TNRC6B: variants seen among roughly 807,000 people sequenced by gnomAD.
TNRC6B encodes the protein trinucleotide repeat-containing gene 6B protein.
TNRC6B carries 52 observed loss-of-function variants against 203.6 expected under a neutral mutation model. The observed-to-expected ratio is 0.26, with a 90% CI of 0.20 to 0.32. The LOEUF is 0.32. TNRC6B is among the 10% of genes least tolerant of loss of function. The pLI is 1.00. For synonymous variants in TNRC6B, 838 were observed against 845.7 expected (o/e 0.99, Z 0.16); for missense variants, 1,923 against 2,286.2 (o/e 0.84, Z 3.24).
chr22:40,106,970 C>T (rs2068289603), intron 1 of TNRC6B: 23 of 1,184,236 alleles, frequency 1.9e-5, no homozygotes, highest in South Asian at 3.6e-5. Context: ...CTTTCTCAGG[C>T]GCTTGATCTT....
intron 1 of TNRC6B, among the ~76,000 whole-genome samples, chr22:40,058,078 G>A (rs963526197): frequency 1.1e-4 from 17 of 152,102 alleles, no homozygotes; most frequent in Non-Finnish European, 7.3e-5. Flanking sequence ...TGGCTCAATT[G>A]CCTTAAACAA....
intron 3 of TNRC6B, among the ~76,000 whole-genome samples, chr22:40,155,169 A>G (rs2068808587): frequency 6.6e-6 from 1 of 151,874 alleles, no homozygotes; most frequent in African/African-American, 2.4e-5. Flanking sequence ...AAATAATTCC[A>G]CTATAAATAC....
chr22:40,061,634 T>A (rs2067853963), intron 1 of TNRC6B, among the ~76,000 whole-genome samples: 1 of 150,784 alleles, frequency 6.6e-6, no homozygotes, highest in Non-Finnish European at 1.5e-5. Flanking sequence ...TCTGCCTTCC[T>A]TTTCCCTATT....
chr22:40,099,974 A>C (rs933254426), intron 1 of TNRC6B, among the ~76,000 whole-genome samples: 1 of 152,080 alleles, frequency 6.6e-6, no homozygotes, highest in Non-Finnish European at 1.5e-5. Context: ...GATGGTCTCG[A>C]TCTCCTGACC....
At chr22:40,187,152 G>A (rs1473027809) in intron 1 of TNRC6B, among the ~76,000 whole-genome samples, 1 of 152,132 alleles carries the variant, frequency 6.6e-6, no homozygotes, top group Non-Finnish European at 1.5e-5. Flanking sequence ...AGCCACGTGC[G>A]GCTACTCTGT....
At chr22:40,090,197 A>G (rs2068138757) in intron 1 of TNRC6B, among the ~76,000 whole-genome samples, 2 of 152,236 alleles carry the variant, frequency 1.3e-5, no homozygotes, top group Non-Finnish European at 2.9e-5. Context: ...CCAAATGTCA[A>G]GGAGCACAAT....
rs1159846651 is a variant in TNRC6B at position 40,324,222 on chromosome 22, T to G, written c.*981T>G. 6.6e-6 allele frequency: 1 copy of G among 152,026 alleles called. No individual in the cohort carries two copies. The highest frequency in any genetic ancestry group is 6.6e-5 in the Admixed American group (1 of 15,212). 9.4% of individuals were successfully genotyped at this position (152,026 alleles called of 1,614,324 possible). ...CTGTTCTTTTGACCTAGCAGTAGAG[T>G]GGAGCACTGCCAAGTCCAAAAAACT... On this transcript the variant is annotated 3_prime_UTR_variant, in exon 23 of 23. Coordinates refer to ENST00000454349, the MANE Select transcript of TNRC6B (RefSeq NM_001162501.2).
chr22:40,209,802 C>T (rs1280458805), intron 1 of TNRC6B, among the ~76,000 whole-genome samples: 2 of 152,008 alleles, frequency 1.3e-5, no homozygotes, highest in East Asian at 1.9e-4. Flanking sequence ...GGGTGGATCA[C>T]GAGGTCAGCA....
chr22:40,252,732 T>C (rs1373692684), intron 3 of TNRC6B, among the ~76,000 whole-genome samples: 1 of 152,208 alleles, frequency 6.6e-6, no homozygotes, highest in African/African-American at 2.4e-5. Context: ...TTTGGAAGGA[T>C]CTTTGTAAAT....
chr22:40,184,051 A>G (rs1336848688), intron 1 of TNRC6B, among the ~76,000 whole-genome samples: 1 of 152,196 alleles, frequency 6.6e-6, no homozygotes, highest in Non-Finnish European at 1.5e-5. Flanking sequence ...CACTTTATAC[A>G]ATGCTGTTGA....
At chr22:40,137,114 T>C (rs1238258624) in intron 3 of TNRC6B, among the ~76,000 whole-genome samples, 1 of 152,222 alleles carries the variant, frequency 6.6e-6, no homozygotes, top group African/African-American at 2.4e-5. Context: ...TTTGTTTTGT[T>C]TGTGTTTTGG....
intron 1 of TNRC6B, among the ~76,000 whole-genome samples, chr22:40,220,642 C>G (rs1428271266): frequency 6.6e-6 from 1 of 152,116 alleles, no homozygotes; most frequent in Non-Finnish European, 1.5e-5. Flanking sequence ...TTTTGATGCT[C>G]GGTGTTTCAT....
chr22:40,311,812 G>A (rs1028575016), intron 17 of TNRC6B, among the ~76,000 whole-genome samples: 3 of 152,194 alleles, frequency 2.0e-5, no homozygotes, highest in African/African-American at 4.8e-5. Flanking sequence ...CAAAGTGCCG[G>A]GATTACAGGC....
chr22:40,170,315 ATATATAT>A (rs1397308598), intron 4 of TNRC6B, among the ~76,000 whole-genome samples: 4 of 89,292 alleles, frequency 4.5e-5, no homozygotes, highest in Admixed American at 1.5e-4. Flanking sequence ...TATATATTTT[ATATATAT>A]TATATATATT....
intron 4 of TNRC6B, among the ~76,000 whole-genome samples, chr22:40,159,135 C>G (rs140695498): frequency 6.6e-6 from 1 of 150,784 alleles, no homozygotes; most frequent in Non-Finnish European, 1.5e-5. Context: ...GCTGATTTTT[C>G]TGTATTTTTA....
In TNRC6B at chr22:40,300,530, T is replaced by C; in HGVS notation, c.3784T>C (p.Ser1262Pro). ...PGLFNVGPQLSPQQIAMLSQL... is the reference protein window; with the variant it reads ...PGLFNVGPQLPPQQIAMLSQL... ...TCTTTTCAATGTGGGGCCCCAGTTATCTCCTCAACAAATTGCCATGCTGAG... is the reference window on the plus strand; with the variant it reads ...TCTTTTCAATGTGGGGCCCCAGTTACCTCCTCAACAAATTGCCATGCTGAG... Residue 1262 changes from serine to proline, a missense_variant, in exon 13 of 23, where the codon TCT becomes CCT. This residue lies in a region of TNRC6B where 242 missense variants were observed against 399.5 expected (regional missense o/e 0.61). Transcript: ENST00000454349. 2 of 1,613,282 alleles carry C rather than the reference T, an allele frequency of 1.2e-6. No homozygotes were observed. Among genetic ancestry groups the C allele is most frequent in the Non-Finnish European group, 1.7e-6 (2 of 1,179,698 alleles).
chr22:40,315,188 A>T, intron 19 of TNRC6B, 95 bp from the exon 20 acceptor site: 1 of 885,304 alleles, frequency 1.1e-6, no homozygotes, highest in South Asian at 1.6e-5. Context: ...ATAAATGTGC[A>T]TGTATTTATG....
chr22:40,223,487 C>T (rs777998128), intron 1 of TNRC6B, among the ~76,000 whole-genome samples: 1 of 151,986 alleles, frequency 6.6e-6, no homozygotes, highest in African/African-American at 2.4e-5. Context: ...TAAAAAATTG[C>T]GTAAAAGCCC....
At chr22:40,182,798 G>A (rs79051677) in intron 1 of TNRC6B, among the ~76,000 whole-genome samples, 1,723 of 152,294 alleles carry the variant, frequency 0.011, 22 homozygotes, top group African/African-American at 0.038. Context: ...TTCATTGAAG[G>A]TTTGACTTGA....
Sources: allele counts gnomAD v4.1 joint callset (sites outside exome capture counted in the v4.1 genomes callset), GRCh38; gene constraint gnomAD v4.1.1; regional missense constraint gnomAD v4.1.1; transcripts MANE v1.5; gene names NCBI Gene and HGNC (gene_info 2026-07-23, HGNC 2026-07-21).